Variants in FGF10 observed in about 807,000 individuals in gnomAD.
FGF10 encodes the protein FGF-10.
In FGF10, 2 loss-of-function variants were observed where a neutral mutation model predicts 19.8. That is an observed-to-expected ratio of 0.10 (90% CI 0.04 to 0.32). FGF10 has a LOEUF of 0.32. Ranked by LOEUF, FGF10 falls within the 10% of genes least tolerant of loss-of-function variation. The pLI is 1.00. For missense variants in FGF10, 191 were observed against 246.3 expected (o/e 0.78, Z 1.50); for synonymous variants, 112 against 94.0 (o/e 1.19, Z -1.10).
chr5:44,380,854 A>AGGGT (rs1741969718), intron 1 of FGF10, among the ~76,000 whole-genome samples: 1 of 152,112 alleles, frequency 6.6e-6, no homozygotes, highest in Non-Finnish European at 1.5e-5. Context: ...TTATCCAGGC[A>AGGGT]GGGTGGTACA....
intron 1 of FGF10, among the ~76,000 whole-genome samples, chr5:44,315,182 CAAA>C (rs34267996): frequency 0.016 from 2,008 of 126,530 alleles, 49 homozygotes; most frequent in African/African-American, 0.052. Flanking sequence ...AATGACAATA[CAAA>C]AAAAAAAAAA....
chr5:44,351,206 C>T (rs1045650928), intron 1 of FGF10, among the ~76,000 whole-genome samples: 1 of 151,512 alleles, frequency 6.6e-6, no homozygotes, highest in Admixed American at 6.6e-5. Context: ...TCAAAATACA[C>T]TAATCAGATA....
At chr5:44,372,828 G>C (rs1210687018) in intron 1 of FGF10, among the ~76,000 whole-genome samples, 2 of 152,164 alleles carry the variant, frequency 1.3e-5, no homozygotes, top group African/African-American at 4.8e-5. Flanking sequence ...TCAAAATCCA[G>C]CAGGGTAAAC....
intron 2 of FGF10, among the ~76,000 whole-genome samples, chr5:44,310,000 A>G (rs1019206699): frequency 6.6e-6 from 1 of 152,172 alleles, no homozygotes; most frequent in Non-Finnish European, 1.5e-5. Context: ...TCCCCATTTC[A>G]GATTTTAACA....
chr5:44,330,948 C>T (rs1198759862), intron 1 of FGF10, among the ~76,000 whole-genome samples: 1 of 152,028 alleles, frequency 6.6e-6, no homozygotes, highest in African/African-American at 2.4e-5. Flanking sequence ...GTCTCACAAA[C>T]AGTAATTTGC....
intron 1 of FGF10, among the ~76,000 whole-genome samples, chr5:44,332,739 T>A (rs1026890841): frequency 2.6e-5 from 4 of 152,142 alleles, no homozygotes; most frequent in Admixed American, 1.3e-4. Context: ...TGAGTTTAAG[T>A]GATTTTCTTT....
intron 1 of FGF10, among the ~76,000 whole-genome samples, chr5:44,365,586 AT>A (rs1209404298): frequency 6.6e-6 from 1 of 151,868 alleles, no homozygotes; most frequent in East Asian, 1.9e-4. Context: ...CTAACTCCAG[AT>A]TTTCAATCTT....
At chr5:44,378,757 A>C (rs529805170) in intron 1 of FGF10, among the ~76,000 whole-genome samples, 6 of 152,150 alleles carry the variant, frequency 3.9e-5, no homozygotes, top group African/African-American at 1.4e-4. Context: ...ACAAAAACCA[A>C]GTATATTTCT....
At chr5:44,324,345 C>T (rs895103406) in intron 1 of FGF10, among the ~76,000 whole-genome samples, 5 of 151,974 alleles carry the variant, frequency 3.3e-5, no homozygotes, top group Non-Finnish European at 7.4e-5. Context: ...TCTAACTTTC[C>T]TCGTCAAATT....
chr5:44,330,642 T>C (rs1280532710), intron 1 of FGF10, among the ~76,000 whole-genome samples: 7 of 152,174 alleles, frequency 4.6e-5, no homozygotes, highest in Admixed American at 1.3e-4. Context: ...TAAGTCCAAA[T>C]GGTAACATTA....
chr5:44,356,688 T>C (rs1165567126), intron 1 of FGF10, among the ~76,000 whole-genome samples: 1 of 151,474 alleles, frequency 6.6e-6, no homozygotes. Context: ...CAACTTTGTT[T>C]CTCAGTCAGA....
chr5:44,376,672 C>A (rs1203166848), intron 1 of FGF10, among the ~76,000 whole-genome samples: 1 of 151,674 alleles, frequency 6.6e-6, no homozygotes, highest in Non-Finnish European at 1.5e-5. Context: ...GATCATTTGG[C>A]AAATCAGAAA....
At chr5:44,358,030 G>C (rs985684056) in intron 1 of FGF10, among the ~76,000 whole-genome samples, 19 of 151,374 alleles carry the variant, frequency 1.3e-4, no homozygotes, top group Non-Finnish European at 2.7e-4. Context: ...GAGTCTTGAG[G>C]GGGGCAAGGG....
chr5:44,388,229 TC>T, intron 1 of FGF10, 128 bp downstream of exon 1: 2 of 871,632 alleles, frequency 2.3e-6, no homozygotes, highest in Non-Finnish European at 3.8e-6. Context: ...GTGAAAGTAT[TC>T]CACTTAATCA....
In FGF10 at chr5:44,304,209, C is replaced by T. The variant is rs1160653023; in HGVS notation, c.*786G>A. 1 of 152,154 alleles carries T rather than the reference C, an allele frequency of 6.6e-6. No individual in the cohort carries two copies. Among genetic ancestry groups the T allele is most frequent in the African/African-American group, 2.4e-5 (1 of 41,436 alleles). 9.4% of individuals were successfully genotyped at this position (152,154 alleles called of 1,614,324 possible). On this transcript the variant is annotated 3_prime_UTR_variant, in exon 3 of 3. Coordinates refer to ENST00000264664, the MANE Select transcript of FGF10 (RefSeq NM_004465.2). Reference sequence around the variant, plus strand: ...CGGGCACTCATACTGCTTCCCTAATCCCAACTCCTATTTTTGAAGTGTTCG... The same window carrying T: ...CGGGCACTCATACTGCTTCCCTAATTCCAACTCCTATTTTTGAAGTGTTCG...
intron 1 of FGF10, among the ~76,000 whole-genome samples, chr5:44,388,079 G>C (rs547545479): frequency 2.0e-5 from 3 of 151,390 alleles, no homozygotes; most frequent in Admixed American, 2.0e-4. Context: ...TCTCTTGAGC[G>C]CCCTGCGTGG....
At chr5:44,372,856 C>T (rs925896817) in intron 1 of FGF10, among the ~76,000 whole-genome samples, 2 of 152,170 alleles carry the variant, frequency 1.3e-5, no homozygotes, top group Non-Finnish European at 2.9e-5. Context: ...GGTTTCAAGG[C>T]CTGGGAATCA....
At chr5:44,386,476 A>G (rs535914566) in intron 1 of FGF10, among the ~76,000 whole-genome samples, 3 of 152,274 alleles carry the variant, frequency 2.0e-5, no homozygotes, top group South Asian at 4.1e-4. Flanking sequence ...GTCCAGCCCA[A>G]TGTTTGGATA....
At chr5:44,351,514 G>A (rs1020878092) in intron 1 of FGF10, among the ~76,000 whole-genome samples, 3 of 151,436 alleles carry the variant, frequency 2.0e-5, no homozygotes, top group African/African-American at 7.3e-5. Flanking sequence ...AGAACTATAA[G>A]TAAAACTAAA....
Sources: gnomAD v4.1 joint callset for allele counts (sites outside exome capture counted in the v4.1 genomes callset) on GRCh38, gnomAD v4.1.1 for gene constraint, MANE v1.5 for transcripts, NCBI Gene and HGNC (gene_info 2026-07-23, HGNC 2026-07-21) for gene names.